Variants in DENND6A observed in about 807,000 individuals in gnomAD.
DENND6A encodes DENN domain containing 6A.
In DENND6A, 43 loss-of-function variants were observed where a neutral mutation model predicts 95.5. That is an observed-to-expected ratio of 0.45 (90% confidence interval 0.35 to 0.58). The LOEUF (loss-of-function observed/expected upper bound fraction) is 0.58, where lower values mean the gene tolerates loss of function less well. DENND6A is among the 20% of genes least tolerant of loss of function. The pLI, the probability that DENND6A is intolerant of heterozygous loss-of-function variation, is 0.00. For missense variants in DENND6A, 574 were observed against 736.0 expected (o/e 0.78, Z 2.55); for synonymous variants, 257 against 260.4 (o/e 0.99, Z 0.13).
At chr3:57,647,864 G>A (rs1382127970) in intron 9 of DENND6A, among the ~76,000 whole-genome samples, 1 of 151,152 alleles carries the variant, frequency 6.6e-6, no homozygotes, top group Non-Finnish European at 1.5e-5. Context: ...GGTGGGGGTG[G>A]GGGGTCAATC....
Position 57,633,125 on chromosome 3 carries a change from A to G in DENND6A, c.1353+140T>C. 3 of 693,526 alleles carry G rather than the reference A, an allele frequency of 4.3e-6. No individual in the cohort carries two copies. In the South Asian group the frequency reaches 5.8e-5, roughly 13 times the overall value. 43.0% of individuals were successfully genotyped at this position (693,526 alleles called of 1,614,324 possible). ...AGAACAGATAATCCAGGTCTCTTGC[A>G]AAGGGGTTTATTTTTAATCACTAAA... is the stretch of plus-strand genomic sequence containing the variant. On this transcript the variant is annotated intron_variant, in intron 15 of 19. Coordinates refer to ENST00000311128, the MANE Select transcript of DENND6A (RefSeq NM_152678.3).
At chr3:57,661,642 G>A in intron 5 of DENND6A, 91 bp from the exon 6 acceptor site, 1 of 1,022,100 alleles carries the variant, frequency 9.8e-7, no homozygotes, top group Non-Finnish European at 1.4e-6. Flanking sequence ...TCAGCAAAAA[G>A]TGTGGATTTT....
At chr3:57,685,405 A>T (rs1304241231) in intron 1 of DENND6A, among the ~76,000 whole-genome samples, 1 of 152,178 alleles carries the variant, frequency 6.6e-6, no homozygotes, top group East Asian at 1.9e-4. Flanking sequence ...GCTTGGTGGG[A>T]TCAGAAGTGT....
chr3:57,692,754 G>A, intron 1 of DENND6A, 28 bp downstream of exon 1: 2 of 1,432,558 alleles, frequency 1.4e-6, no homozygotes, highest in South Asian at 1.5e-5. Context: ...GGGGAGGAGC[G>A]CCGAGAAAGG....
intron 1 of DENND6A, among the ~76,000 whole-genome samples, chr3:57,672,805 A>AAT (rs1334026527): frequency 2.0e-5 from 3 of 151,734 alleles, no homozygotes; most frequent in East Asian, 1.9e-4. Flanking sequence ...CAAACAAAAA[A>AAT]ATATATATAT....
chr3:57,689,066 T>C lies in DENND6A; in HGVS notation c.237+3716A>G, dbSNP rs1365599305. On this transcript the variant is annotated intron_variant, in intron 1 of 19. Coordinates refer to ENST00000311128, the MANE Select transcript of DENND6A (RefSeq NM_152678.3). ...ACCTCCCAGGTTCAAGCGATTCTCC[T>C]GCCTCACCCTCCCGAGTAGCTGGGA... 2.0e-5 allele frequency among the ~76,000 whole-genome samples: 3 copies of C among 152,236 alleles called. No homozygotes were observed. In the East Asian group the frequency reaches 5.8e-4, roughly 29 times the overall value.
At chr3:57,685,726 A>G (rs556172308) in intron 1 of DENND6A, among the ~76,000 whole-genome samples, 1 of 152,128 alleles carries the variant, frequency 6.6e-6, no homozygotes, top group Admixed American at 6.5e-5. Context: ...TTCAGCATTC[A>G]TTCTTTTTTT....
intron 10 of DENND6A, 84 bp from the exon 11 acceptor site, chr3:57,645,840 G>C (rs2071068638): frequency 1.1e-6 from 1 of 931,748 alleles, no homozygotes; most frequent in Admixed American, 2.4e-5. Flanking sequence ...TATACAAACG[G>C]TATACACACA....
intron 11 of DENND6A, 75 bp from the exon 12 acceptor site, chr3:57,641,822 C>CTT: frequency 3.3e-6 from 4 of 1,213,522 alleles, no homozygotes; most frequent in South Asian, 2.8e-5. Context: ...GAATAGTTTA[C>CTT]TTTTTTTTTC....
At chr3:57,660,196 C>CT (rs11285527) in intron 7 of DENND6A, among the ~76,000 whole-genome samples, 1 of 139,104 alleles carries the variant, frequency 7.2e-6, no homozygotes, top group African/African-American at 2.6e-5. Context: ...CTACAAAGTT[C>CT]TTTTTTTTTT....
intron 12 of DENND6A, among the ~76,000 whole-genome samples, chr3:57,641,307 ATATT>A (rs1303080998): frequency 6.9e-6 from 1 of 144,030 alleles, no homozygotes; most frequent in African/African-American, 2.5e-5. Context: ...ATTTAAATAT[ATATT>A]TATATTCAAT....
chr3:57,629,225 A>G (rs2070604733), intron 18 of DENND6A, among the ~76,000 whole-genome samples: 1 of 152,228 alleles, frequency 6.6e-6, no homozygotes, highest in Admixed American at 6.5e-5. Context: ...AAGGAACATT[A>G]GTTAACAAAT....
At chr3:57,679,606 G>C in intron 1 of DENND6A, 1 of 972,246 alleles carries the variant, frequency 1.0e-6, no homozygotes, top group Non-Finnish European at 1.2e-6. Flanking sequence ...CTAATTAGAT[G>C]TGTCCTTGTG....
At chr3:57,643,092 T>C (rs911049752) in intron 11 of DENND6A, among the ~76,000 whole-genome samples, 10 of 151,324 alleles carry the variant, frequency 6.6e-5, no homozygotes, top group African/African-American at 1.7e-4. Context: ...AAAAGCAAAT[T>C]TGGATATGCA....
chr3:57,647,090 T>A (rs1369267839), intron 9 of DENND6A, among the ~76,000 whole-genome samples: 1 of 152,176 alleles, frequency 6.6e-6, no homozygotes, highest in Admixed American at 6.5e-5. Flanking sequence ...GTAAAAAATT[T>A]TCCTAGTAGA....
chr3:57,634,414 T>C lies in DENND6A; in HGVS notation c.1263+144A>G, dbSNP rs532678816. 69 of 353,714 alleles carry C rather than the reference T, an allele frequency of 2.0e-4. No individual in the cohort carries two copies. The Admixed American group carries it at 2.3e-3, about 12-fold the overall frequency. The allele number at this position is 353,714 out of a possible 1,614,324, so 21.9% of individuals were successfully genotyped here. ...CATCACTGCACTCCAGCCTGGGTGA[T>C]AGAGTGAGACTCTGTCTCCCAAAAA... On this transcript the variant is annotated intron_variant, in intron 14 of 19. Transcript: ENST00000311128.
At chr3:57,656,915 A>G (rs2071338065) in intron 9 of DENND6A, among the ~76,000 whole-genome samples, 1 of 152,222 alleles carries the variant, frequency 6.6e-6, no homozygotes, top group African/African-American at 2.4e-5. Context: ...CCAAGACTGC[A>G]GCAGTGCACT....
At chr3:57,675,675 C>T (rs1452222373) in intron 1 of DENND6A, among the ~76,000 whole-genome samples, 1 of 152,162 alleles carries the variant, frequency 6.6e-6, no homozygotes, top group Admixed American at 6.5e-5. Flanking sequence ...GTCAGATCAG[C>T]TACCAGCAGA....
chr3:57,663,599 A>T, intron 5 of DENND6A, 37 bp downstream of exon 5: 3 of 1,446,106 alleles, frequency 2.1e-6, no homozygotes, highest in Non-Finnish European at 2.8e-6. Context: ...ATCACAAAAT[A>T]AAAAATACTT....
Sources: gnomAD v4.1 joint callset for allele counts (sites outside exome capture counted in the v4.1 genomes callset) on GRCh38, gnomAD v4.1.1 for gene constraint, MANE v1.5 for transcripts, NCBI Gene and HGNC (gene_info 2026-07-23, HGNC 2026-07-21) for gene names.